The following GNB1L variants were observed in gnomAD, a reference collection of about 807,000 sequenced individuals.
The protein encoded by GNB1L is guanine nucleotide-binding protein subunit beta-like protein 1.
GNB1L carries 20 observed loss-of-function variants against 29.1 expected under a neutral mutation model. The observed-to-expected ratio is 0.69, with a 90% CI of 0.48 to 1.00. The LOEUF (loss-of-function observed/expected upper bound fraction) is 1.00. GNB1L is among the 50% of genes least tolerant of loss of function. The pLI is 0.00. For missense variants in GNB1L, 421 were observed against 464.9 expected (o/e 0.91, Z 0.87); for synonymous variants, 193 against 206.5 (o/e 0.93, Z 0.56).
At chr22:19,802,317 G>C in intron 6 of GNB1L, 101 bp from the exon 7 acceptor site, 1 of 942,884 alleles carries the variant, frequency 1.1e-6, no homozygotes, top group South Asian at 1.5e-5. Flanking sequence ...CCTGCTGGCT[G>C]GGGCTGTTTC....
At position 19,851,277 on chromosome 22, in the gene GNB1L, C is replaced by G. The variant is rs1008518903; in HGVS notation, c.-21+3166G>C. On this transcript the variant is annotated intron_variant, in intron 2 of 7. Coordinates refer to ENST00000329517, the MANE Select transcript of GNB1L (RefSeq NM_053004.3). ...TCTCCCTCTGTCTCCAAAACCTCCT[C>G]CTCTGTTTTCTGGGGTTTTGGACCT... The G allele has an allele frequency of 1.9e-6, 3 of 1,613,014 alleles. No individual in the cohort carries two copies. The Admixed American group carries it at 5.0e-5, about 27-fold the overall frequency.
intron 2 of GNB1L, chr22:19,848,859 G>A (rs1359990050): frequency 1.0e-6 from 1 of 985,490 alleles, no homozygotes; most frequent in Non-Finnish European, 1.2e-6. Flanking sequence ...AGGGAGATGG[G>A]GAAGGTGGCC....
intron 7 of GNB1L, among the ~76,000 whole-genome samples, chr22:19,799,812 C>T (rs1937348989): frequency 6.6e-6 from 1 of 152,332 alleles, no homozygotes; most frequent in South Asian, 2.1e-4. Context: ...CCTCCGAAAG[C>T]GCCCCCACAG....
chr22:19,845,518 G>A (rs1407499948), intron 2 of GNB1L, among the ~76,000 whole-genome samples: 2 of 152,250 alleles, frequency 1.3e-5, no homozygotes, highest in African/African-American at 4.8e-5. Flanking sequence ...TGGGGACACA[G>A]AAGAATGTGG....
At chr22:19,843,878 A>G (rs1424840475) in intron 2 of GNB1L, among the ~76,000 whole-genome samples, 1 of 152,132 alleles carries the variant, frequency 6.6e-6, no homozygotes, top group Non-Finnish European at 1.5e-5. Flanking sequence ...AGAAATGGTC[A>G]TTTGCTCTGC....
chr22:19,851,549 A>C, intron 2 of GNB1L: 1 of 1,613,392 alleles, frequency 6.2e-7, no homozygotes, highest in Non-Finnish European at 8.5e-7. Flanking sequence ...AGGGGTGGCC[A>C]TGGCGGCTGG....
rs547428680 is a variant in GNB1L, at chr22:19,817,611, C to T, written c.254+2987G>A. Among the ~76,000 whole-genome samples, 31 of 152,360 alleles carry T rather than the reference C, an allele frequency of 2.0e-4. 1 individual carries two copies. Among genetic ancestry groups the T allele is most frequent in the African/African-American group, 6.5e-4 (27 of 41,580 alleles). On this transcript the variant is annotated intron_variant, in intron 4 of 7. Coordinates refer to ENST00000329517, the MANE Select transcript of GNB1L (RefSeq NM_053004.3). ...ACAGATGCTGCTCCTTATGTCTCCA[C>T]GCTTCCAAAGAAAAAAGCAGACAAA...
intron 6 of GNB1L, among the ~76,000 whole-genome samples, chr22:19,804,148 AC>A (rs1165915624): frequency 6.6e-6 from 1 of 152,246 alleles, no homozygotes; most frequent in Non-Finnish European, 1.5e-5. Flanking sequence ...GACAGATACC[AC>A]AGGCCGGGCA....
chr22:19,805,639 G>A (rs1156827593), intron 6 of GNB1L, among the ~76,000 whole-genome samples: 2 of 152,256 alleles, frequency 1.3e-5, no homozygotes, highest in East Asian at 1.9e-4. Flanking sequence ...AAAATTAGCC[G>A]GGCGTGGTGG....
chr22:19,837,168 G>A lies in GNB1L; in HGVS notation c.-20-15793C>T, dbSNP rs536365674. On this transcript the variant is annotated intron_variant, in intron 2 of 7. Transcript: ENST00000329517. ...TTTTTAGTAGAGACGGGGTCTCACC[G>A]TGTTAGCCAGGATGGTGTTGATCTC... 7.4e-3 allele frequency among the ~76,000 whole-genome samples: 1,122 copies of A among 152,062 alleles called. 3 individuals are homozygous for A. The highest frequency in any genetic ancestry group is 0.01 in the Non-Finnish European group (696 of 67,960).
chr22:19,822,429 G>A (rs1376419088), intron 2 of GNB1L, among the ~76,000 whole-genome samples: 1 of 152,198 alleles, frequency 6.6e-6, no homozygotes. Context: ...AGACCCACAG[G>A]GCCTCGCACT....
chr22:19,852,568 G>A (rs1352214991), intron 2 of GNB1L: 2 of 352,540 alleles, frequency 5.7e-6, no homozygotes, highest in Non-Finnish European at 1.0e-5. Context: ...CTACAAGCGG[G>A]CAACCCTCTG....
At chr22:19,820,502 C>G in intron 4 of GNB1L, 96 bp downstream of exon 4, 2 of 1,343,074 alleles carry the variant, frequency 1.5e-6, no homozygotes, top group Non-Finnish European at 1.0e-6. Context: ...TTCCCCCACC[C>G]CATTCTGCCC....
At chr22:19,801,415 G>A (rs888199210) in intron 7 of GNB1L, among the ~76,000 whole-genome samples, 6 of 150,506 alleles carry the variant, frequency 4.0e-5, no homozygotes, top group South Asian at 2.1e-4. Flanking sequence ...ACAGGGCCAC[G>A]TGTAGGCCAG....
chr22:19,787,439 C>A lies in GNB1L; in HGVS notation c.*1270G>T. 1 of 152,686 alleles carries A rather than the reference C, an allele frequency of 6.5e-6. No homozygotes were observed. The allele number at this position is 152,686 out of a possible 1,614,324, so 9.5% of individuals were successfully genotyped here. A position where few individuals can be genotyped will look rare whatever the true frequency, so the allele number is the denominator to read the frequency against. On this transcript the variant is annotated 3_prime_UTR_variant, in exon 8 of 8. Coordinates refer to ENST00000329517, the MANE Select transcript of GNB1L (RefSeq NM_053004.3). Reference sequence around the variant, plus strand: ...ACCCCTGCTCCGGCCACCTGGATCCCACACCCTTCCGATCCGTCCCACACA... The same window carrying A: ...ACCCCTGCTCCGGCCACCTGGATCCAACACCCTTCCGATCCGTCCCACACA...
chr22:19,795,407 T>C (rs1254970872), intron 7 of GNB1L, among the ~76,000 whole-genome samples: 1 of 151,872 alleles, frequency 6.6e-6, no homozygotes, highest in Non-Finnish European at 1.5e-5. Flanking sequence ...CCACGTCCAC[T>C]GACCTGGGTC....
chr22:19,783,247 T>C lies in GNB1L; in HGVS notation c.*5462A>G. The C allele has an allele frequency of 1.8e-6, 1 of 551,462 alleles. No individual in the cohort carries two copies. The allele number at this position is 551,462 out of a possible 1,614,324, so 34.2% of individuals were successfully genotyped here. A position where few individuals can be genotyped will look rare whatever the true frequency, so the allele number is the denominator to read the frequency against. ...CTCTGTTTGAGGTGGTTTATTAATG[T>C]AGCAAGAGATAATGGCACCAGGATG... On this transcript the variant is annotated 3_prime_UTR_variant, in exon 8 of 8. Transcript: ENST00000329517.
rs1048711468 is a variant in GNB1L, at chr22:19,799,697, C to T, written c.732+2304G>A. Among the ~76,000 whole-genome samples the T allele has an allele frequency of 3.3e-5, 5 of 152,190 alleles. No individual in the cohort carries two copies. In the East Asian group the frequency reaches 9.6e-4, roughly 29 times the overall value. The stretch of plus-strand genomic sequence containing the variant: ...ACAGCCGTGCCCACGTGGCTCTCAG[C>T]CAAGGAGTCACAGTGCAGGCGGTGG... On this transcript the variant is annotated intron_variant, in intron 7 of 7. Transcript: ENST00000329517.
intron 5 of GNB1L, 49 bp from the exon 6 acceptor site, chr22:19,806,806 G>T (rs1348067803): frequency 2.3e-6 from 3 of 1,282,272 alleles, no homozygotes; most frequent in Non-Finnish European, 3.4e-6. Flanking sequence ...AGTCGAGTCT[G>T]CGCTATACAA....
Sources: allele counts gnomAD v4.1 joint callset (sites outside exome capture counted in the v4.1 genomes callset), GRCh38; gene constraint gnomAD v4.1.1; transcripts MANE v1.5; gene names NCBI Gene and HGNC (gene_info 2026-07-23, HGNC 2026-07-21).